Variants in RCAN2 observed in about 807,000 individuals in gnomAD.
RCAN2 encodes calcipressin-2.
A neutral mutation model predicts 23.6 loss-of-function variants in RCAN2; 9 were observed. That is an observed-to-expected ratio of 0.38 (90% confidence interval 0.23 to 0.67). RCAN2 has a LOEUF of 0.67. Among genes scored for constraint, RCAN2 ranks in the 30% least tolerant of loss-of-function variants. The pLI, the probability that RCAN2 is intolerant of heterozygous loss-of-function variation, is 0.51. For synonymous variants in RCAN2, 109 were observed against 115.7 expected (o/e 0.94, Z 0.37); for missense variants, 273 against 302.3 (o/e 0.90, Z 0.72).
At chr6:46,335,550 G>A (rs531500282) in intron 2 of RCAN2, among the ~76,000 whole-genome samples, 2 of 152,236 alleles carry the variant, frequency 1.3e-5, no homozygotes, top group Admixed American at 1.3e-4. Flanking sequence ...TGATTCCATG[G>A]AAAGGACGCT....
intron 2 of RCAN2, among the ~76,000 whole-genome samples, chr6:46,288,547 G>C (rs1040523945): frequency 6.6e-6 from 1 of 152,240 alleles, no homozygotes; most frequent in Admixed American, 6.5e-5. Flanking sequence ...AAACAGACTA[G>C]TAACTATTGT....
intron 2 of RCAN2, among the ~76,000 whole-genome samples, chr6:46,436,894 C>G (rs535927834): frequency 6.6e-6 from 1 of 152,218 alleles, no homozygotes; most frequent in South Asian, 2.1e-4. Flanking sequence ...AAAACAGAAC[C>G]AACCCCTCCA....
At chr6:46,383,740 G>A (rs948216881) in intron 2 of RCAN2, among the ~76,000 whole-genome samples, 7 of 152,104 alleles carry the variant, frequency 4.6e-5, no homozygotes, top group South Asian at 4.1e-4. Context: ...CAATCTTACC[G>A]GATGGCAAAG....
chr6:46,490,591 T>G (rs1204676612), intron 1 of RCAN2, among the ~76,000 whole-genome samples: 1 of 152,112 alleles, frequency 6.6e-6, no homozygotes. Context: ...CCCGGCACAC[T>G]GCGCTCCGCT....
At chr6:46,460,700 G>A (rs1248198197) in intron 1 of RCAN2, among the ~76,000 whole-genome samples, 1 of 152,172 alleles carries the variant, frequency 6.6e-6, no homozygotes, top group Non-Finnish European at 1.5e-5. Flanking sequence ...CAGAGGCTGG[G>A]TTGTCTTCAT....
rs73452245 is a variant in RCAN2 at position 46,275,111 on chromosome 6, C to T, written c.226-26215G>A. 2.4e-3 allele frequency among the ~76,000 whole-genome samples: 369 copies of T among 151,674 alleles called. 2 individuals carry two copies. Among genetic ancestry groups the T allele is most frequent in the African/African-American group, 8.6e-3 (356 of 41,364 alleles). ...TTCATTTTATTTATTATTTATTTTT[C>T]GAGACAGGTCTCACTCTGTTGCCCA... On this transcript the variant is annotated intron_variant, in intron 2 of 4. Coordinates refer to ENST00000371374, the MANE Select transcript of RCAN2 (RefSeq NM_001251974.2).
At chr6:46,418,012 AT>A (rs1766761693) in intron 2 of RCAN2, among the ~76,000 whole-genome samples, 1 of 152,214 alleles carries the variant, frequency 6.6e-6, no homozygotes, top group Non-Finnish European at 1.5e-5. Flanking sequence ...TCTGGTGCAA[AT>A]GCCAATGTTC....
chr6:46,269,873 G>T lies in RCAN2; in HGVS notation c.226-20977C>A, dbSNP rs78393153. Among the ~76,000 whole-genome samples, 1,151 of 152,270 alleles carry T rather than the reference G, an allele frequency of 7.6e-3. 4 individuals are homozygous for T. Among genetic ancestry groups the T allele is most frequent in the Non-Finnish European group, 0.011 (759 of 68,014 alleles). ...GGGGTACCCTTCACAGGCACCCCCAGTTCAGGATCTTATGTTCCCCTCTCC... is the reference window on the plus strand; with the variant it reads ...GGGGTACCCTTCACAGGCACCCCCATTTCAGGATCTTATGTTCCCCTCTCC... On this transcript the variant is annotated intron_variant, in intron 2 of 4. Coordinates refer to ENST00000371374, the MANE Select transcript of RCAN2 (RefSeq NM_001251974.2).
chr6:46,320,182 G>T (rs1175666321), intron 2 of RCAN2, among the ~76,000 whole-genome samples: 1 of 152,174 alleles, frequency 6.6e-6, no homozygotes, highest in Non-Finnish European at 1.5e-5. Flanking sequence ...ATGATTGGTT[G>T]TGCCCAGATC....
At chr6:46,264,743 G>A (rs1054225154) in intron 2 of RCAN2, among the ~76,000 whole-genome samples, 4 of 152,186 alleles carry the variant, frequency 2.6e-5, no homozygotes, top group African/African-American at 9.7e-5. Flanking sequence ...CTTCGGCTAT[G>A]GCTAACACTG....
intron 2 of RCAN2, among the ~76,000 whole-genome samples, chr6:46,395,320 A>T (rs1195224712): frequency 6.6e-6 from 1 of 152,142 alleles, no homozygotes; most frequent in Non-Finnish European, 1.5e-5. Flanking sequence ...TTGAAGTTGG[A>T]GAAAGAGGAG....
chr6:46,428,464 GA>G (rs1183003827), intron 2 of RCAN2, among the ~76,000 whole-genome samples: 2 of 152,120 alleles, frequency 1.3e-5, no homozygotes, highest in African/African-American at 4.8e-5. Flanking sequence ...ATGGTACTTT[GA>G]ACAGTAAACA....
chr6:46,317,276 A>T (rs1763469687), intron 2 of RCAN2, among the ~76,000 whole-genome samples: 1 of 152,204 alleles, frequency 6.6e-6, no homozygotes, highest in Non-Finnish European at 1.5e-5. Context: ...CAATTGCCAC[A>T]TTAGATTTAT....
At chr6:46,319,185 C>T (rs1178395568) in intron 2 of RCAN2, among the ~76,000 whole-genome samples, 1 of 152,134 alleles carries the variant, frequency 6.6e-6, no homozygotes, top group Non-Finnish European at 1.5e-5. Context: ...CTATTAAGCC[C>T]ATTAAGCTTA....
chr6:46,257,471 G>A (rs1008350849), intron 2 of RCAN2, among the ~76,000 whole-genome samples: 2 of 152,148 alleles, frequency 1.3e-5, no homozygotes, highest in Non-Finnish European at 2.9e-5. Context: ...CCACATGGCT[G>A]GGGAGGTTGC....
At position 46,401,147 on chromosome 6, in the gene RCAN2, A is replaced by G. The variant is rs140891391; in HGVS notation, c.225+55605T>C. Among the ~76,000 whole-genome samples the G allele has an allele frequency of 1.5e-4, 23 of 152,314 alleles. No individual in the cohort carries two copies. The East Asian group carries it at 4.4e-3, about 29-fold the overall frequency. Reference sequence around the variant, plus strand: ...GCCCAATGTCCACAGTGGGTTGAACATTCTGGGAAAGTTACTGCTTCTTCT... The same window carrying G: ...GCCCAATGTCCACAGTGGGTTGAACGTTCTGGGAAAGTTACTGCTTCTTCT... On this transcript the variant is annotated intron_variant, in intron 2 of 4. Transcript: ENST00000371374.
intron 2 of RCAN2, among the ~76,000 whole-genome samples, chr6:46,319,338 C>A (rs936153495): frequency 6.6e-6 from 1 of 152,160 alleles, no homozygotes; most frequent in Non-Finnish European, 1.5e-5. Context: ...ACTAAGACTG[C>A]AAATGGCACT....
At chr6:46,281,653 T>C (rs932543979) in intron 2 of RCAN2, among the ~76,000 whole-genome samples, 2 of 152,210 alleles carry the variant, frequency 1.3e-5, no homozygotes, top group Non-Finnish European at 2.9e-5. Flanking sequence ...AAAAGAGAAC[T>C]GAGCTAAACA....
At chr6:46,229,473 T>C (rs1765800329) in intron 4 of RCAN2, among the ~76,000 whole-genome samples, 1 of 152,218 alleles carries the variant, frequency 6.6e-6, no homozygotes, top group Admixed American at 6.5e-5. Context: ...CATTTCTTTT[T>C]ATTCTTTTTT....
Sources: gnomAD v4.1 joint callset for allele counts (sites outside exome capture counted in the v4.1 genomes callset) on GRCh38, gnomAD v4.1.1 for gene constraint, MANE v1.5 for transcripts, NCBI Gene and HGNC (gene_info 2026-07-23, HGNC 2026-07-21) for gene names.